RIF1: variants seen among roughly 807,000 people sequenced by gnomAD.
RIF1 encodes the protein replication timing regulatory factor 1.
RIF1 carries 45 observed loss-of-function variants against 247.1 expected under a neutral mutation model. The ratio of observed to expected loss-of-function variants is 0.18; its 90% confidence interval spans 0.14 to 0.23. The LOEUF (loss-of-function observed/expected upper bound fraction) is 0.23, where lower values mean the gene tolerates loss of function less well. RIF1 is among the 10% of genes least tolerant of loss of function. The probability of loss-of-function intolerance (pLI) is 1.00; values close to 1 mark genes in which losing one functional copy is unlikely to be tolerated. For synonymous variants in RIF1, 1,087 were observed against 978.8 expected (o/e 1.11, Z -2.06); for missense variants, 2,967 against 2,862.5 (o/e 1.04, Z -0.83).
At position 151,463,923 on chromosome 2, in the gene RIF1, T is replaced by C. The variant is rs1696551845; in HGVS notation, c.4403T>C (p.Leu1468Pro). 2 of 1,613,370 alleles carry C rather than the reference T, an allele frequency of 1.2e-6. No individual in the cohort carries two copies. Among genetic ancestry groups the C allele is most frequent in the Admixed American group, 1.7e-5 (1 of 59,880 alleles). ...GATGATGTGTTACCTAAACAAAAAC[T>C]GATTGCTGAACAAACTCTACAGGAG... The part of the protein sequence containing the change: ...IKDDVLPKQK[L>P]IAEQTLQENL... Residue 1468 changes from leucine (L) to proline (P), a missense_variant, in exon 30 of 36, where the codon CTG (leucine) becomes CCG (proline). Around this residue, in one of 7 missense-constraint regions of RIF1, gnomAD observed 2,028 missense variants for 1,825.6 expected, o/e 1.11. Transcript: ENST00000444746.
chr2:151,418,874 CAA>C (rs572725777), intron 6 of RIF1, among the ~76,000 whole-genome samples: 2 of 126,424 alleles, frequency 1.6e-5, no homozygotes, highest in African/African-American at 5.9e-5. Context: ...GACTTGGTCT[CAA>C]AAAAAAAAAG....
At chr2:151,527,630 A>G in the RIF1 span, 1 of 1,407,488 alleles carries the variant, frequency 7.1e-7, no homozygotes, top group Non-Finnish European at 9.9e-7. Context: ...TCAGTAGGCT[A>G]AATTCATAAA....
chr2:151,445,218 A>G (rs1693042799), intron 18 of RIF1, 120 bp from the exon 19 acceptor site: 1 of 677,696 alleles, frequency 1.5e-6, no homozygotes, highest in Middle Eastern at 3.9e-4. Flanking sequence ...AGTTAAACTT[A>G]TTTTGAATCT....
chr2:151,437,488 C>A, intron 13 of RIF1, 137 bp downstream of exon 13: 1 of 635,046 alleles, frequency 1.6e-6, no homozygotes, highest in South Asian at 1.9e-5. Flanking sequence ...CTCAGGAGTT[C>A]GAGACCAGCC....
rs372412176 is a variant in RIF1, at chr2:151,464,878, A to G, written c.5358A>G (p.Gln1786=). ...TSQANPYSEG[Q]FLDEHHSVNF... is the part of the protein sequence containing the mutation. Reference sequence around the variant, plus strand: ...AAGCTAATCCATATTCTGAAGGACAATTTTTAGATGAACATCATAGTGTGA... The same window carrying G: ...AAGCTAATCCATATTCTGAAGGACAGTTTTTAGATGAACATCATAGTGTGA... The change falls in exon 30 of 36, where the codon CAA becomes CAG. Residue 1786 remains glutamine (Q), a synonymous_variant. Transcript: ENST00000444746. 8.8e-6 allele frequency: 14 copies of G among 1,595,502 alleles called. No individual in the cohort carries two copies. The highest frequency in any genetic ancestry group is 2.7e-5 in the African/African-American group (2 of 73,682).
chr2:151,456,098 A>T (rs1349150530), intron 22 of RIF1, among the ~76,000 whole-genome samples: 1 of 152,218 alleles, frequency 6.6e-6, no homozygotes, highest in Non-Finnish European at 1.5e-5. Context: ...AAAGAAAAAA[A>T]AAGCCTCAGT....
At chr2:151,458,577 ACTT>A (rs765001366) in intron 24 of RIF1, among the ~76,000 whole-genome samples, 1 of 152,222 alleles carries the variant, frequency 6.6e-6, no homozygotes, top group African/African-American at 2.4e-5. Flanking sequence ...ATAATATTCT[ACTT>A]CTTATTGGAA....
At chr2:151,417,117 G>A (rs1687336519) in intron 6 of RIF1, among the ~76,000 whole-genome samples, 2 of 152,166 alleles carry the variant, frequency 1.3e-5, no homozygotes, top group African/African-American at 2.4e-5. Context: ...CATGTTCAAG[G>A]TGAAGTCTTG....
In RIF1 at chr2:151,468,007, G is replaced by A. The variant is rs764781349; in HGVS notation, c.6608G>A (p.Arg2203His). ...EISSPVNKVR[R>H]VSFADPIYQA... Reference sequence around the variant, plus strand: ...CCTGACCTGTGTTTTCAGGTTCGCCGTGTCTCCTTTGCAGATCCAATATAC... The same window carrying A: ...CCTGACCTGTGTTTTCAGGTTCGCCATGTCTCCTTTGCAGATCCAATATAC... Residue 2203 changes from arginine to histidine, a missense_variant, in exon 31 of 36, where the codon CGT (arginine) becomes CAT (histidine). By Grantham distance (29) the Arg-to-His change is conservative. This residue lies in a region of RIF1 where 2,028 missense variants were observed against 1,825.6 expected (regional missense o/e 1.11). Transcript: ENST00000444746. 39 of 1,605,268 alleles carry A rather than the reference G, an allele frequency of 2.4e-5. No homozygotes were observed. Among genetic ancestry groups the A allele is most frequent in the Non-Finnish European group, 3.1e-5 (36 of 1,177,136 alleles).
At chr2:151,533,460 A>T in the RIF1 span, 4 of 1,550,770 alleles carry the variant, frequency 2.6e-6, no homozygotes, top group Non-Finnish European at 2.6e-6. Context: ...ACATATGCGA[A>T]TTGTAGAGAG....
intron 12 of RIF1, 55 bp downstream of exon 12, chr2:151,437,058 G>A: frequency 2.1e-6 from 3 of 1,447,126 alleles, no homozygotes; most frequent in East Asian, 2.3e-5. Flanking sequence ...AGGACTTAAT[G>A]CATTGGGGTG....
chr2:151,411,680 A>AG (rs1204333664), intron 3 of RIF1, among the ~76,000 whole-genome samples: 1 of 152,134 alleles, frequency 6.6e-6, no homozygotes, highest in Non-Finnish European at 1.5e-5. Context: ...GGATTACAGG[A>AG]GTGAGCCACT....
At chr2:151,451,888 A>G (rs759835679) in intron 21 of RIF1, among the ~76,000 whole-genome samples, 183 bp downstream of exon 21, 18 of 152,130 alleles carry the variant, frequency 1.2e-4, no homozygotes, top group Middle Eastern at 3.4e-3. Flanking sequence ...TTTAATTTTC[A>G]TATGCTCTGT....
rs775583593 is a variant in RIF1 at position 151,462,398 on chromosome 2, A to C, written c.3309-14A>C. The stretch of plus-strand genomic sequence containing the variant: ...TAATTATAAAAATAATATTCTTACT[A>C]ATATTTATTTCAGGGAAATTCCTAC... On this transcript the variant is annotated splice_polypyrimidine_tract_variant and intron_variant, in intron 28 of 35. Transcript: ENST00000444746. The C allele has an allele frequency of 2.2e-4, 329 of 1,491,122 alleles. No homozygotes were observed. Among genetic ancestry groups the C allele is most frequent in the Non-Finnish European group, 2.9e-4 (313 of 1,096,210 alleles). 92.4% of individuals were successfully genotyped at this position (1,491,122 alleles called of 1,614,324 possible).
rs144364212 is a variant in RIF1, at chr2:151,455,850, A to T, written c.2609+691A>T. Among the ~76,000 whole-genome samples, 672 of 152,290 alleles carry T rather than the reference A, an allele frequency of 4.4e-3. 2 individuals are homozygous for T. Among genetic ancestry groups the T allele is most frequent in the African/African-American group, 0.015 (641 of 41,564 alleles). Reference sequence around the variant, plus strand: ...CCATATACATGAGAATCTCATTTTTAAAAATGTCTACATGTGATTCTGTTA... The same window carrying T: ...CCATATACATGAGAATCTCATTTTTTAAAATGTCTACATGTGATTCTGTTA... On this transcript the variant is annotated intron_variant, in intron 22 of 35. Transcript: ENST00000444746.
Position 151,464,738 on chromosome 2 carries a change from C to A in RIF1, c.5218C>A (p.Gln1740Lys). 1 of 1,613,486 alleles carries A rather than the reference C, an allele frequency of 6.2e-7. No homozygotes were observed. ...TTGTGATTGCTGTGGGGAAAAATCA[C>A]AACCTCAGGAAAAGTCACTCATTGG... ...KGCDCCGEKS[Q>K]PQEKSLIGLK... is the part of the protein sequence containing the mutation. The change falls in exon 30 of 36, where the codon CAA (glutamine) becomes AAA (lysine). Residue 1740 changes from glutamine to lysine, a missense_variant. By Grantham distance (53) the Gln-to-Lys change is moderately conservative (BLOSUM62 1). Transcript: ENST00000444746.
intron 3 of RIF1, among the ~76,000 whole-genome samples, chr2:151,412,942 G>A (rs1014852260): frequency 9.9e-5 from 15 of 151,904 alleles, no homozygotes; most frequent in African/African-American, 3.4e-4. Context: ...TAATATCAGT[G>A]TTTATTCCAT....
At chr2:151,492,731 C>G (rs1292884465) in intron 9 of RIF1, 1 of 333,238 alleles carries the variant, frequency 3.0e-6, no homozygotes, top group Non-Finnish European at 5.5e-6. Flanking sequence ...AAAGAAGGGG[C>G]ACGGTATAAT....
At chr2:151,505,460 T>G in intron 12 of RIF1, 2 of 1,605,128 alleles carry the variant, frequency 1.2e-6, no homozygotes, top group Non-Finnish European at 1.7e-6. Flanking sequence ...AAATGGAAGC[T>G]GAGAGTATGG....
Sources: gnomAD v4.1 joint callset for allele counts (sites outside exome capture counted in the v4.1 genomes callset) on GRCh38, gnomAD v4.1.1 for gene constraint, gnomAD v4.1.1 regional missense constraint, MANE v1.5 for transcripts, NCBI Gene and HGNC (gene_info 2026-07-23, HGNC 2026-07-21) for gene names.